The following LEUTX variants were observed in gnomAD, a reference collection of about 807,000 sequenced individuals.
The protein encoded by LEUTX is paired-like homeodomain transcription factor LEUTX.
Under a neutral mutation model 4.5 loss-of-function variants are expected in LEUTX, and 5 were observed. The ratio of observed to expected loss-of-function variants is 1.11; its 90% CI spans 0.58 to 2.34. The LOEUF is 2.34. Ranked by LOEUF, LEUTX falls within the 30% of genes most tolerant of loss-of-function variation. The pLI is 0.01. For synonymous variants in LEUTX, 89 were observed against 85.1 expected (o/e 1.05, Z -0.25); for missense variants, 233 against 239.4 (o/e 0.97, Z 0.18).
chr19:39,785,709 G>A lies in LEUTX; in HGVS notation c.171G>A (p.Lys57=). ...LDLSVVKIWF[K]NQRAKWKRQQ... is the part of the protein sequence containing the mutation. ...TCCTCCCTCCTTAGATCTGGTTCAA[G>A]AACCAGCGTGCCAAATGGAAGAGGC... The change falls in exon 3 of 3, where the codon AAG becomes AAA. Residue 57 remains lysine, a synonymous_variant. Transcript: ENST00000638280. The A allele has an allele frequency of 6.4e-7, 1 of 1,551,762 alleles. No homozygotes were observed.
intron 1 of LEUTX, among the ~76,000 whole-genome samples, chr19:39,782,768 T>G (rs989983338): frequency 6.6e-6 from 1 of 151,992 alleles, no homozygotes; most frequent in Non-Finnish European, 1.5e-5. Context: ...GAGTGAGGAG[T>G]GGGTCTCGTG....
In LEUTX at chr19:39,784,589, A is replaced by G. The variant is rs1310455385; in HGVS notation, c.70A>G (p.Arg24Gly). Residue 24 changes from arginine to glycine, a missense_variant, in exon 2 of 3, where the codon AGA (arginine) becomes GGA (glycine). Arg to Gly is a moderately radical substitution (Grantham distance 125). Transcript: ENST00000638280. ...RFLSKQLTAL[R>G]ELLEKTMHPS... ...TCTCTCCAAACAACTCACAGCATTGAGAGAATTGCTTGAAAAGACCATGCA... is the reference window on the plus strand; with the variant it reads ...TCTCTCCAAACAACTCACAGCATTGGGAGAATTGCTTGAAAAGACCATGCA... The G allele has an allele frequency of 6.5e-7, 1 of 1,535,136 alleles. No individual in the cohort carries two copies. The highest frequency in any genetic ancestry group is 1.2e-5 in the South Asian group (1 of 83,666).
intron 2 of LEUTX, 76 bp downstream of exon 2, chr19:39,784,754 A>C (rs1248034575): frequency 1.1e-5 from 13 of 1,143,188 alleles, no homozygotes; most frequent in African/African-American, 1.6e-5. Context: ...TTGTTATAAC[A>C]GTTCCTATTT....
In LEUTX at chr19:39,783,351, A is replaced by G. The variant is rs549692692; in HGVS notation, c.8-1176A>G. ...TATACATAAATTATTATATATATAT[A>G]CATATATATATATACACACACACAC... On this transcript the variant is annotated intron_variant, in intron 1 of 2. Coordinates refer to ENST00000638280, the MANE Select transcript of LEUTX (RefSeq NM_001382345.1). Among the ~76,000 whole-genome samples, 28 of 94,772 alleles carry G rather than the reference A, an allele frequency of 3.0e-4. 1 individual carries two copies. In the South Asian group the frequency reaches 8.6e-3, roughly 29 times the overall value. The allele number at this position is 94,772 out of a possible 152,430, so 62.2% of individuals were successfully genotyped here. A position where few individuals can be genotyped will look rare whatever the true frequency, so the allele number is the denominator to read the frequency against.
At chr19:39,781,743 T>G (rs964720042) in intron 1 of LEUTX, among the ~76,000 whole-genome samples, 1 of 152,206 alleles carries the variant, frequency 6.6e-6, no homozygotes, top group Non-Finnish European at 1.5e-5. Context: ...CTATGCTTTG[T>G]GTATAGCCTG....
chr19:39,783,649 A>G (rs1022799996), intron 1 of LEUTX, among the ~76,000 whole-genome samples: 1 of 151,782 alleles, frequency 6.6e-6, no homozygotes, highest in African/African-American at 2.4e-5. Context: ...TGTTCACTGC[A>G]TCCACGCCAA....
chr19:39,779,080 C>A (rs73930631), intron 1 of LEUTX, among the ~76,000 whole-genome samples, 153 bp downstream of exon 1: 2,686 of 152,232 alleles, frequency 0.018, 81 homozygotes, highest in African/African-American at 0.059. Flanking sequence ...TTGAAAAACA[C>A]TTTGCAAGGG....
upstream of LEUTX, among the ~76,000 whole-genome samples, chr19:39,777,723 A>T (rs1028481584): frequency 6.6e-6 from 1 of 152,190 alleles, no homozygotes; most frequent in South Asian, 2.1e-4. Context: ...CCAAGGCTGG[A>T]CGATCTCTTG....
intron 1 of LEUTX, among the ~76,000 whole-genome samples, chr19:39,781,381 C>G (rs1197163758): frequency 6.6e-6 from 1 of 152,134 alleles, no homozygotes; most frequent in Non-Finnish European, 1.5e-5. Flanking sequence ...ATGATGAGGT[C>G]TTATTTATAT....
upstream of LEUTX, chr19:39,776,765 C>T (rs944425759): frequency 6.9e-6 from 3 of 432,806 alleles, no homozygotes; most frequent in African/African-American, 6.1e-5. Context: ...CCTGTAGTCC[C>T]AGCTGCTTGG....
intron 1 of LEUTX, among the ~76,000 whole-genome samples, chr19:39,781,828 A>G (rs1967891212): frequency 6.6e-6 from 1 of 152,202 alleles, no homozygotes; most frequent in South Asian, 2.1e-4. Flanking sequence ...TGCAAAATGG[A>G]CTAACACATG....
intron 2 of LEUTX, 32 bp from the exon 3 acceptor site, chr19:39,785,666 C>T: frequency 6.6e-7 from 1 of 1,516,676 alleles, no homozygotes; most frequent in Non-Finnish European, 8.9e-7. Flanking sequence ...ACTCAACATC[C>T]ATTATTAACC....
upstream of LEUTX, among the ~76,000 whole-genome samples, chr19:39,777,874 T>A (rs938829746): frequency 5.9e-5 from 9 of 152,202 alleles, no homozygotes; most frequent in African/African-American, 2.2e-4. Context: ...ACCTGCAATG[T>A]TCCCAGAGAC....
At chr19:39,776,764 C>A, upstream of LEUTX, 2 of 433,170 alleles carry the variant, frequency 4.6e-6, no homozygotes, top group Non-Finnish European at 9.2e-6. Context: ...TCCTGTAGTC[C>A]CAGCTGCTTG....
intron 1 of LEUTX, among the ~76,000 whole-genome samples, chr19:39,780,994 G>A (rs550841927): frequency 3.9e-5 from 6 of 151,948 alleles, no homozygotes; most frequent in Non-Finnish European, 5.9e-5. Context: ...ATGAGCCACC[G>A]TGCCCAGCCT....
chr19:39,786,088 C>A lies in LEUTX; in HGVS notation c.550C>A (p.Leu184Ile). 4 of 1,548,582 alleles carry A rather than the reference C, an allele frequency of 2.6e-6. No individual in the cohort carries two copies. The highest frequency in any genetic ancestry group is 2.6e-6 in the Non-Finnish European group (3 of 1,145,720). The change falls in exon 3 of 3, where the codon CTT becomes ATT. Residue 184 changes from leucine to isoleucine, a missense_variant. By Grantham distance (5) the Leu-to-Ile change is conservative. Transcript: ENST00000638280. Reference sequence around the variant, plus strand: ...TGACACCAGCAGCCTAAATCAATATCTTTTTCCAGTATGCCTTGAGTATGA... The same window carrying A: ...TGACACCAGCAGCCTAAATCAATATATTTTTCCAGTATGCCTTGAGTATGA... ...EDDTSSLNQY[L>I]FPVCLEYDQL...
At chr19:39,781,112 C>A (rs2144955720) in intron 1 of LEUTX, among the ~76,000 whole-genome samples, 1 of 152,126 alleles carries the variant, frequency 6.6e-6, no homozygotes, top group Non-Finnish European at 1.5e-5. Flanking sequence ...CTGTCTCTCC[C>A]TCTCTCCCTT....
At chr19:39,783,788 TATTCATGTC>T (rs112457507) in intron 1 of LEUTX, among the ~76,000 whole-genome samples, 4,716 of 152,262 alleles carry the variant, frequency 0.031, 221 homozygotes, top group African/African-American at 0.11. Flanking sequence ...GAGAATTATC[TATTCATGTC>T]ATTCATGTCC....
chr19:39,777,493 C>T (rs1967812896), upstream of LEUTX, among the ~76,000 whole-genome samples: 1 of 152,112 alleles, frequency 6.6e-6, no homozygotes, highest in Non-Finnish European at 1.5e-5. Flanking sequence ...GGAGGTCATA[C>T]CCTTTGAATA....
Sources: gnomAD v4.1 joint callset for allele counts (sites outside exome capture counted in the v4.1 genomes callset) on GRCh38, gnomAD v4.1.1 for gene constraint, MANE v1.5 for transcripts, NCBI Gene and HGNC (gene_info 2026-07-23, HGNC 2026-07-21) for gene names.